The following PRLR variants were observed in gnomAD, a reference collection of about 807,000 sequenced individuals.
PRLR encodes hPRL receptor.
A neutral mutation model predicts 40.2 loss-of-function variants in PRLR; 13 were observed. That is an observed-to-expected ratio of 0.32 (90% CI 0.21 to 0.51). The LOEUF is 0.51. PRLR is among the 20% of genes least tolerant of loss of function. PRLR has a pLI of 0.97. For synonymous variants in PRLR, 269 were observed against 278.7 expected (o/e 0.97, Z 0.35); for missense variants, 656 against 747.3 (o/e 0.88, Z 1.42).
chr5:35,223,953 A>G (rs1479638742), intron 1 of PRLR, among the ~76,000 whole-genome samples: 1 of 152,212 alleles, frequency 6.6e-6, no homozygotes, highest in Non-Finnish European at 1.5e-5. Flanking sequence ...TTAAATTGTT[A>G]TCTTCCCTAG....
At chr5:35,209,110 T>C (rs1305215679) in intron 1 of PRLR, among the ~76,000 whole-genome samples, 1 of 151,984 alleles carries the variant, frequency 6.6e-6, no homozygotes, top group African/African-American at 2.4e-5. Flanking sequence ...TTTTTAAAAA[T>C]GAGAGAGGAA....
intron 9 of PRLR, among the ~76,000 whole-genome samples, chr5:35,066,307 G>A (rs186104236): frequency 4.3e-4 from 65 of 151,914 alleles, no homozygotes; most frequent in African/African-American, 1.4e-3. Flanking sequence ...GATATTTAAC[G>A]TAGTCTCTCT....
intron 1 of PRLR, among the ~76,000 whole-genome samples, chr5:35,209,808 G>A (rs1776124296): frequency 6.6e-6 from 1 of 152,190 alleles, no homozygotes; most frequent in Admixed American, 6.5e-5. Flanking sequence ...AAGCATGTGA[G>A]GTAAGCTACC....
chr5:35,158,817 A>G (rs999666607), intron 1 of PRLR, among the ~76,000 whole-genome samples: 9 of 152,160 alleles, frequency 5.9e-5, no homozygotes, highest in Non-Finnish European at 1.2e-4. Flanking sequence ...TTCCACATGG[A>G]GAAAGCTTAT....
At chr5:35,102,565 C>A (rs183670276) in intron 2 of PRLR, among the ~76,000 whole-genome samples, 1 of 127,008 alleles carries the variant, frequency 7.9e-6, no homozygotes, top group Non-Finnish European at 1.6e-5. Flanking sequence ...CTTTCTTTGA[C>A]GGAGTCTTGC....
chr5:35,078,060 T>C (rs567596105), intron 5 of PRLR, among the ~76,000 whole-genome samples: 57 of 152,268 alleles, frequency 3.7e-4, no homozygotes, highest in Admixed American at 1.2e-3. Context: ...AAGCAGTGTG[T>C]AGAGGGAAAT....
chr5:35,083,518 T>C (rs1770656991), intron 5 of PRLR, among the ~76,000 whole-genome samples: 1 of 148,546 alleles, frequency 6.7e-6, no homozygotes, highest in Admixed American at 6.6e-5. Context: ...TTCTTTCTTT[T>C]CTTTTCTTTT....
chr5:35,117,938 G>A lies in PRLR; in HGVS notation c.-44+123C>T, dbSNP rs962986571. The A allele has an allele frequency of 1.4e-5, 5 of 360,326 alleles. No individual in the cohort carries two copies. The Admixed American group carries it at 3.2e-4, about 23-fold the overall frequency. The allele number at this position is 360,326 out of a possible 1,614,324, so 22.3% of individuals were successfully genotyped here. On this transcript the variant is annotated intron_variant, in intron 2 of 9. Transcript: ENST00000618457. Reference sequence around the variant, plus strand: ...GAAGACAGCAGAATGTGCCAGTGTAGACATTGACTGGTTTGAGATGATATT... The same window carrying A: ...GAAGACAGCAGAATGTGCCAGTGTAAACATTGACTGGTTTGAGATGATATT...
At chr5:35,121,267 G>T (rs1011121577) in intron 1 of PRLR, among the ~76,000 whole-genome samples, 1 of 152,196 alleles carries the variant, frequency 6.6e-6, no homozygotes, top group African/African-American at 2.4e-5. Context: ...TGGAGAGTAA[G>T]TTGGATGATG....
At position 35,048,865 on chromosome 5, in the gene PRLR, G is replaced by A. The variant is rs116437290; in HGVS notation, c.*422C>T. 2,571 of 318,170 alleles carry A rather than the reference G, an allele frequency of 8.1e-3. 57 individuals carry two copies. The highest frequency in any genetic ancestry group is 0.048 in the African/African-American group (2,232 of 46,454). 19.7% of individuals were successfully genotyped at this position (318,170 alleles called of 1,614,324 possible). A position where few individuals can be genotyped will look rare whatever the true frequency, so the allele number is the denominator to read the frequency against. ...CGTGCTTTACATGGCAGTGCCTAAG[G>A]GGGACAGTGACAAAGCTGATTGCAA... On this transcript the variant is annotated 3_prime_UTR_variant, in exon 9 of 9. Coordinates refer to the PRLR transcript ENST00000231423.
intron 2 of PRLR, among the ~76,000 whole-genome samples, chr5:35,113,038 C>T (rs1057142676): frequency 2.6e-5 from 4 of 152,156 alleles, no homozygotes; most frequent in Admixed American, 1.3e-4. Flanking sequence ...TAGAGTTGAC[C>T]TATGTAGTGG....
At position 35,084,325 on chromosome 5, in the gene PRLR, C is replaced by T. The variant is rs984885635; in HGVS notation, c.373+145G>A. ...ATGACTTGATAAAAAATGATTTGAA[C>T]TGTTCTGTTGACAAGCATATCGTGA... On this transcript the variant is annotated intron_variant, in intron 5 of 9. Transcript: ENST00000618457. 6 of 782,356 alleles carry T rather than the reference C, an allele frequency of 7.7e-6. No homozygotes were observed. In the Admixed American group the frequency reaches 1.5e-4, roughly 20 times the overall value. The allele number at this position is 782,356 out of a possible 1,614,324, so 48.5% of individuals were successfully genotyped here. A position where few individuals can be genotyped will look rare whatever the true frequency, so the allele number is the denominator to read the frequency against.
intron 1 of PRLR, among the ~76,000 whole-genome samples, chr5:35,228,232 C>CAAAAA (rs55934270): frequency 1.5e-4 from 13 of 87,432 alleles, no homozygotes; most frequent in African/African-American, 4.7e-4. Context: ...AACAACCATG[C>CAAAAA]AAAAAAAAAA....
intron 1 of PRLR, among the ~76,000 whole-genome samples, chr5:35,176,795 C>T (rs1350317942): frequency 6.6e-5 from 10 of 152,124 alleles, no homozygotes; most frequent in African/African-American, 2.4e-5. Context: ...TCCCCCAGCC[C>T]GACACCCGTA....
downstream of PRLR, among the ~76,000 whole-genome samples, chr5:35,054,996 A>T (rs1000439907): frequency 2.0e-5 from 3 of 152,218 alleles, no homozygotes; most frequent in Admixed American, 2.0e-4. Flanking sequence ...AGAAAGGAAC[A>T]GACAAGGCAA....
chr5:35,066,995 C>T (rs1769420480), intron 9 of PRLR, among the ~76,000 whole-genome samples: 1 of 152,086 alleles, frequency 6.6e-6, no homozygotes, highest in Non-Finnish European at 1.5e-5. Context: ...GATCTCCTGA[C>T]CTCGTGATCT....
At chr5:35,167,781 A>T (rs1489685494) in intron 1 of PRLR, among the ~76,000 whole-genome samples, 2 of 152,098 alleles carry the variant, frequency 1.3e-5, no homozygotes. Context: ...TAGGTGAATT[A>T]CAACAGAGGC....
intron 1 of PRLR, among the ~76,000 whole-genome samples, chr5:35,141,119 G>A (rs892594426): frequency 7.2e-5 from 11 of 152,052 alleles, no homozygotes; most frequent in Non-Finnish European, 1.2e-4. Flanking sequence ...AGATGGGGCA[G>A]CTATCTTGGG....
intron 5 of PRLR, among the ~76,000 whole-genome samples, chr5:35,077,656 G>A (rs1377596024): frequency 6.6e-6 from 1 of 152,172 alleles, no homozygotes; most frequent in African/African-American, 2.4e-5. Context: ...GACACAGAAA[G>A]TTAACAAGGA....
Sources: allele counts gnomAD v4.1 joint callset (sites outside exome capture counted in the v4.1 genomes callset), GRCh38; gene constraint gnomAD v4.1.1; transcripts MANE v1.5; gene names NCBI Gene and HGNC (gene_info 2026-07-23, HGNC 2026-07-21).